The following PTOV1 variants were observed in gnomAD, a reference collection of about 807,000 sequenced individuals.
PTOV1 encodes the protein PTOV1 extended AT-hook containing adaptor protein.
PTOV1 carries 20 observed loss-of-function variants against 58.0 expected under a neutral mutation model. The observed-to-expected ratio is 0.34, with a 90% CI of 0.24 to 0.50. The LOEUF is 0.50. Among genes scored for constraint, PTOV1 ranks in the 20% least tolerant of loss-of-function variants. The probability of loss-of-function intolerance (pLI) is 0.98; values close to 1 mark genes in which losing one functional copy is unlikely to be tolerated. For synonymous variants in PTOV1, 335 were observed against 234.2 expected, an observed-to-expected ratio of 1.43 and a Z score of -3.93; for missense variants, 593 against 565.4, an observed-to-expected ratio of 1.05 and a Z score of -0.50.
chr19:49,857,043 C>T (rs1568645371), exon 6 of PTOV1: 12 of 1,614,094 alleles, frequency 7.4e-6, no homozygotes, highest in Admixed American at 1.7e-5. Context: ...TGTACTCGTC[C>T]AAGAAGAAGA....
exon 1 of PTOV1, chr19:49,851,335 C>A: frequency 9.3e-7 from 1 of 1,076,902 alleles, no homozygotes; most frequent in Non-Finnish European, 1.1e-6. Context: ...CGCCATGGTC[C>A]GTCCGCGCCG....
intron 5 of PTOV1, chr19:49,856,287 G>C (rs1055806787): frequency 1.3e-5 from 2 of 152,446 alleles, no homozygotes; most frequent in Non-Finnish European, 2.9e-5. Flanking sequence ...CTCCAGGGAG[G>C]CCAGGGACAG....
exon 12 of PTOV1, chr19:49,860,567 G>A: frequency 1.8e-6 from 1 of 561,708 alleles, no homozygotes; most frequent in South Asian, 2.5e-5. Flanking sequence ...TGGGGTCAGT[G>A]CTTGGGAGCC....
chr19:49,854,585 CTTGT>C, intron 2 of PTOV1, 42 bp downstream of exon 2: 1 of 1,612,828 alleles, frequency 6.2e-7, no homozygotes, highest in Non-Finnish European at 8.5e-7. Flanking sequence ...AGGGTCTTGT[CTTGT>C]CCCTGCGGGG....
chr19:49,858,345 A>AC lies in PTOV1; in HGVS notation c.937-202dup. 13 of 689,324 alleles carry AC rather than the reference A, an allele frequency of 1.9e-5. No individual in the cohort carries two copies. In the South Asian group the frequency reaches 2.4e-4, roughly 13 times the overall value. The allele number at this position is 689,324 out of a possible 1,614,324, so 42.7% of individuals were successfully genotyped here. On this transcript the variant is annotated intron_variant, in intron 9 of 11. Transcript: ENST00000391842. ...CGGGGCAGGGGCAGCCACGACCTGC[A>AC]CCTGGGGGGCTGCCAAGGGATCTGA...
chr19:49,860,526 G>A (rs1053752031), exon 12 of PTOV1: 4 of 625,940 alleles, frequency 6.4e-6, no homozygotes, highest in Non-Finnish European at 1.1e-5. Flanking sequence ...ATCCAGGCCT[G>A]GGTGGGGCCA....
intron 1 of PTOV1, 118 bp from the exon 2 acceptor site, chr19:49,854,288 G>A: frequency 1.5e-6 from 2 of 1,376,934 alleles, no homozygotes; most frequent in Non-Finnish European, 2.0e-6. Context: ...GGCCCCGTGG[G>A]CTTCCAGCAG....
At chr19:49,854,949 T>A in intron 4 of PTOV1, 21 bp from the exon 5 acceptor site, 1 of 1,416,550 alleles carries the variant, frequency 7.1e-7, no homozygotes, top group Non-Finnish European at 9.4e-7. Context: ...CTGACCCAGC[T>A]GTCTGTCCTG....
At chr19:49,852,265 G>C (rs1426404829) in intron 1 of PTOV1, 1 of 185,648 alleles carries the variant, frequency 5.4e-6, no homozygotes, top group Non-Finnish European at 1.0e-5. Flanking sequence ...GGATGGCACA[G>C]AGCTGTGGCA....
At chr19:49,859,926 G>A in intron 10 of PTOV1, 60 bp from the exon 11 acceptor site, 1 of 1,576,150 alleles carries the variant, frequency 6.3e-7, no homozygotes, top group Non-Finnish European at 8.7e-7. Flanking sequence ...TGATGCCGTG[G>A]TTGGAGGGAT....
intron 7 of PTOV1, 54 bp from the exon 8 acceptor site, chr19:49,857,850 C>G (rs561799998): frequency 6.2e-7 from 1 of 1,612,078 alleles, no homozygotes; most frequent in African/African-American, 1.3e-5. Context: ...GGAGGGGACA[C>G]TGGCATTGGG....
chr19:49,851,122 A>G (rs1477465457), upstream of PTOV1: 7 of 1,348,472 alleles, frequency 5.2e-6, no homozygotes, highest in Non-Finnish European at 6.6e-6. Context: ...GCCCCCTCGG[A>G]CGCGCTTGGT....
chr19:49,851,776 C>T (rs1290656), intron 1 of PTOV1: 1,057,818 of 1,060,076 alleles, frequency 1, 527,784 homozygotes, highest in Middle Eastern at 1. Context: ...TAAACGCGGG[C>T]TGGGGGCGGC....
In PTOV1 at chr19:49,856,961, C is replaced by G. The variant is rs774845109; in HGVS notation, c.559-14C>G. ...GGGCAGTGACCACAGGGTCCTGACC[C>G]GCGGCCCCCGCAGGCGGGCTGCATG... On this transcript the variant is annotated splice_polypyrimidine_tract_variant and intron_variant, in intron 5 of 11. Coordinates refer to ENST00000391842, the Ensembl canonical transcript of PTOV1. 6.2e-7 allele frequency: 1 copy of G among 1,611,906 alleles called. No individual in the cohort carries two copies. Among genetic ancestry groups the G allele is most frequent in the Non-Finnish European group, 8.5e-7 (1 of 1,179,778 alleles).
Position 49,856,480 on chromosome 19 carries a change from G to T in PTOV1, c.559-495G>T, listed in dbSNP as rs147539488. 389 of 165,208 alleles carry T rather than the reference G, an allele frequency of 2.4e-3. 1 individual carries two copies. The highest frequency in any genetic ancestry group is 8.7e-3 in the African/African-American group (364 of 41,732). 10.2% of individuals were successfully genotyped at this position (165,208 alleles called of 1,614,324 possible). A position where few individuals can be genotyped will look rare whatever the true frequency, so the allele number is the denominator to read the frequency against. ...TCTGTCAGGCTTAGTTCTCCCATGC[G>T]CCATCCTCAAGAGGCACCAGCACTT... is the stretch of plus-strand genomic sequence containing the variant. On this transcript the variant is annotated intron_variant, in intron 5 of 11. Coordinates refer to ENST00000391842, the Ensembl canonical transcript of PTOV1.
At chr19:49,857,063 G>T (rs1175082053) in exon 6 of PTOV1, 1 of 1,614,088 alleles carries the variant, frequency 6.2e-7, no homozygotes, top group Non-Finnish European at 8.5e-7. Flanking sequence ...ATCTTCATGG[G>T]CCTCATCCCC....
chr19:49,854,893 G>GGGCCCCCC lies in PTOV1; in HGVS notation c.450+5_450+6insGGCCCCCC. 1 of 1,603,544 alleles carries GGGCCCCCC rather than the reference G, an allele frequency of 6.2e-7. No individual in the cohort carries two copies. Among genetic ancestry groups the GGGCCCCCC allele is most frequent in the Non-Finnish European group, 8.5e-7 (1 of 1,173,326 alleles). ...CTGATCCCTCAGCAGCTGCTGGTGA[G>GGGCCCCCC]ACCCGCCCCTCCCACCCCATCCACT... On this transcript the variant is annotated splice_donor_region_variant and intron_variant, in intron 4 of 11. Coordinates refer to ENST00000391842, the Ensembl canonical transcript of PTOV1.
intron 4 of PTOV1, 35 bp downstream of exon 4, chr19:49,854,923 G>GC (rs1257753719): frequency 3.3e-6 from 5 of 1,493,808 alleles, no homozygotes; most frequent in Non-Finnish European, 3.6e-6. Context: ...TCCACTCTGA[G>GC]CACCCCCATG....
At chr19:49,854,974 C>T in exon 5 of PTOV1, 1 of 1,598,990 alleles carries the variant, frequency 6.3e-7, no homozygotes, top group Non-Finnish European at 8.5e-7. Flanking sequence ...CCCCAGACCA[C>T]CCTGGGCCCC....
Sources: allele counts gnomAD v4.1 joint callset, GRCh38; gene constraint gnomAD v4.1.1; transcripts MANE v1.5; gene names NCBI Gene and HGNC (gene_info 2026-07-23, HGNC 2026-07-21).